FZR1: variants seen among roughly 807,000 people sequenced by gnomAD.
The protein encoded by FZR1 is fizzy-related protein homolog.
A neutral mutation model predicts 63.6 loss-of-function variants in FZR1; 11 were observed. The ratio of observed to expected loss-of-function variants is 0.17; its 90% confidence interval spans 0.11 to 0.29. FZR1 has a LOEUF of 0.29. Ranked by LOEUF, FZR1 falls within the 10% of genes least tolerant of loss-of-function variation. The pLI is 1.00. For missense variants in FZR1, 440 were observed against 687.5 expected, an observed-to-expected ratio of 0.64 and a Z score of 4.03; for synonymous variants, 328 against 297.9, an observed-to-expected ratio of 1.10 and a Z score of -1.04.
At position 3,526,486 on chromosome 19, in the gene FZR1, T is replaced by C; in HGVS notation, c.387+100T>C. The C allele has an allele frequency of 1.0e-6, 1 of 991,632 alleles. No individual in the cohort carries two copies. Among genetic ancestry groups the C allele is most frequent in the East Asian group, 2.6e-5 (1 of 38,072 alleles). 61.4% of individuals were successfully genotyped at this position (991,632 alleles called of 1,614,324 possible). ...AGCTCTGCCTCCCCGAGCCCGGTTC[T>C]CGGGCCCAGCCACGGCTCAGCACCC... On this transcript the variant is annotated intron_variant, in intron 5 of 13. Coordinates refer to ENST00000441788, the MANE Select transcript of FZR1 (RefSeq NM_016263.4). The surrounding 1 kb of genome is among the most constrained non-coding windows in gnomAD (Gnocchi z 5.4).
At chr19:3,508,630 G>C (rs1367230386) in intron 1 of FZR1, among the ~76,000 whole-genome samples, 3 of 152,224 alleles carry the variant, frequency 2.0e-5, no homozygotes, top group Non-Finnish European at 2.9e-5. Flanking sequence ...GTCATTTAGA[G>C]GGGAGAGGAT....
intron 1 of FZR1, among the ~76,000 whole-genome samples, chr19:3,510,500 C>A (rs1041034163): frequency 6.6e-6 from 1 of 152,234 alleles, no homozygotes; most frequent in Non-Finnish European, 1.5e-5. Flanking sequence ...ACATTCCCTT[C>A]TGTTGTGAAT....
At position 3,525,565 on chromosome 19, in the gene FZR1, C is replaced by T. The variant is rs1470940630; in HGVS notation, c.70-303C>T. Among the ~76,000 whole-genome samples, 4 of 151,000 alleles carry T rather than the reference C, an allele frequency of 2.6e-5. No homozygotes were observed. The highest frequency in any genetic ancestry group is 5.9e-5 in the Non-Finnish European group (4 of 67,850). ...TCATGCCATTCTCCTGCCTCAGCCTCCCGAGTAGCTGGGACTACAGGCGCC... is the reference window on the plus strand; with the variant it reads ...TCATGCCATTCTCCTGCCTCAGCCTTCCGAGTAGCTGGGACTACAGGCGCC... On this transcript the variant is annotated intron_variant, in intron 2 of 13. Coordinates refer to ENST00000441788, the MANE Select transcript of FZR1 (RefSeq NM_016263.4). The surrounding 1 kb of genome is among the most constrained non-coding windows in gnomAD (Gnocchi z 4.2).
Position 3,531,701 on chromosome 19 carries a change from C to T in FZR1, c.721-13C>T. The T allele has an allele frequency of 6.5e-7, 1 of 1,534,440 alleles. No homozygotes were observed. The highest frequency in any genetic ancestry group is 8.8e-7 in the Non-Finnish European group (1 of 1,133,086). On this transcript the variant is annotated splice_polypyrimidine_tract_variant and intron_variant, in intron 8 of 13. Transcript: ENST00000441788. ...ACCTGACACCGGTGCTCTGCCCATG[C>T]CTTCCATCCTAGGGGAACCTGGTGG...
chr19:3,529,750 G>A lies in FZR1; in HGVS notation c.655-1042G>A, dbSNP rs572262901. 1.1e-3 allele frequency among the ~76,000 whole-genome samples: 146 copies of A among 138,898 alleles called. 1 individual carries two copies. Among genetic ancestry groups the A allele is most frequent in the Non-Finnish European group, 1.1e-3 (71 of 64,182 alleles). 91.1% of individuals were successfully genotyped at this position (138,898 alleles called of 152,430 possible). ...TGGATGGGAGAGTGGATGGGTGAGC[G>A]CATGGGAGCGCATGGGTGAGCGGAT... is the stretch of plus-strand genomic sequence containing the variant. On this transcript the variant is annotated intron_variant, in intron 7 of 13. Transcript: ENST00000441788.
intron 10 of FZR1, 58 bp from the exon 11 acceptor site, chr19:3,532,359 C>T: frequency 1.5e-6 from 2 of 1,378,378 alleles, no homozygotes; most frequent in Non-Finnish European, 9.9e-7. Flanking sequence ...CCTGTGAGGA[C>T]CGGCCTATGG....
At chr19:3,507,486 C>A (rs536947819) in intron 1 of FZR1, among the ~76,000 whole-genome samples, 4 of 152,246 alleles carry the variant, frequency 2.6e-5, no homozygotes, top group African/African-American at 7.2e-5. Flanking sequence ...GTTTTCTCCA[C>A]CCCAAACTCA....
In FZR1 at chr19:3,532,429, A is replaced by T; in HGVS notation, c.1021A>T (p.Asn341Tyr). The change falls in exon 11 of 14, where the codon AAT (asparagine) becomes TAT (tyrosine). Residue 341 changes from asparagine to tyrosine, a missense_variant. Coordinates refer to ENST00000441788, the MANE Select transcript of FZR1 (RefSeq NM_016263.4). ...GGNDNKLLVW[N>Y]HSSLSPVQQY... ...CCCTGTCCCCCAGCTGCTGGTCTGG[A>T]ATCACTCGAGCCTGAGCCCCGTGCA... 4 of 1,592,572 alleles carry T rather than the reference A, an allele frequency of 2.5e-6. No homozygotes were observed. The highest frequency in any genetic ancestry group is 3.4e-6 in the Non-Finnish European group (4 of 1,168,512).
At position 3,529,689 on chromosome 19, in the gene FZR1, T is replaced by TGGTTGAGGGAGC. The variant is rs1568237946; in HGVS notation, c.655-1101_655-1100insTTGAGGGAGCGG. On this transcript the variant is annotated intron_variant, in intron 7 of 13. Transcript: ENST00000441788. ...GAGTGGATGAGAGTGGTTGAGGGAG[T>TGGTTGAGGGAGC]GGATGGTTGAGCGGATGGGAGAGCG... is the stretch of plus-strand genomic sequence containing the variant. Among the ~76,000 whole-genome samples the TGGTTGAGGGAGC allele has an allele frequency of 2.5e-3, 177 of 71,462 alleles. 7 individuals carry two copies. Among genetic ancestry groups the TGGTTGAGGGAGC allele is most frequent in the African/African-American group, 0.01 (168 of 16,368 alleles). The allele number at this position is 71,462 out of a possible 152,430, so 46.9% of individuals were successfully genotyped here.
At chr19:3,530,509 T>G in intron 7 of FZR1, among the ~76,000 whole-genome samples, 3 of 135,132 alleles carry the variant, frequency 2.2e-5, no homozygotes, top group Non-Finnish European at 4.8e-5. Context: ...CAAGAGTGGA[T>G]GAGAGTGGTT....
rs991368384 is a variant in FZR1 at position 3,533,914 on chromosome 19, G to A, written c.1348-507G>A. ...CCCCTCTTGCAAGGGGGCGTCCTTTGTGTTTTTGCAAAAATGCTCCAACCT... is the reference window on the plus strand; with the variant it reads ...CCCCTCTTGCAAGGGGGCGTCCTTTATGTTTTTGCAAAAATGCTCCAACCT... On this transcript the variant is annotated intron_variant, in intron 12 of 13. Transcript: ENST00000441788. This position sits in a 1 kb window ranked among gnomAD's most constrained non-coding sequence, Gnocchi z 4.9. 5.9e-5 allele frequency among the ~76,000 whole-genome samples: 9 copies of A among 152,170 alleles called. No homozygotes were observed. The highest frequency in any genetic ancestry group is 2.2e-4 in the African/African-American group (9 of 41,442).
intron 1 of FZR1, among the ~76,000 whole-genome samples, chr19:3,518,011 C>CTTT (rs1220242480): frequency 4.8e-4 from 53 of 109,458 alleles, no homozygotes; most frequent in African/African-American, 8.0e-4. Context: ...CTGTTTCTTT[C>CTTT]TTTTTTTTTT....
chr19:3,508,940 A>G (rs1413942634), intron 1 of FZR1, among the ~76,000 whole-genome samples: 1 of 152,124 alleles, frequency 6.6e-6, no homozygotes, highest in Admixed American at 6.5e-5. Context: ...CGGCCTGCTC[A>G]GTGCCCTGGG....
intron 7 of FZR1, among the ~76,000 whole-genome samples, chr19:3,530,425 TGGGAGAGC>T (rs1175308427): frequency 5.7e-5 from 4 of 70,480 alleles, no homozygotes; most frequent in African/African-American, 1.6e-4. Context: ...GGAGAGCGCA[TGGGAGAGC>T]GGATGGGAGA....
chr19:3,509,886 GT>G (rs1217614937), intron 1 of FZR1, among the ~76,000 whole-genome samples: 1 of 152,150 alleles, frequency 6.6e-6, no homozygotes, highest in Non-Finnish European at 1.5e-5. Flanking sequence ...GTGTCTGCCT[GT>G]TGTGAGTTGA....
Position 3,526,052 on chromosome 19 carries a change from C to T in FZR1, c.195+59C>T, listed in dbSNP as rs1279353407. The T allele has an allele frequency of 8.7e-6, 14 of 1,611,608 alleles. No individual in the cohort carries two copies. In the South Asian group the frequency reaches 8.8e-5, roughly 10 times the overall value. On this transcript the variant is annotated intron_variant, in intron 3 of 13. Transcript: ENST00000441788. This position sits in a 1 kb window ranked among gnomAD's most constrained non-coding sequence, Gnocchi z 5.4. ...CCGGGAAGCCCAGGGCCCCTCCCAG[C>T]CTCCTTGCTCTAGGGCCGGGAACAA... is the stretch of plus-strand genomic sequence containing the variant.
chr19:3,507,260 C>G (rs2082991139), intron 1 of FZR1, among the ~76,000 whole-genome samples: 1 of 151,650 alleles, frequency 6.6e-6, no homozygotes, highest in African/African-American at 2.4e-5. Context: ...ACTGAACCTC[C>G]GTCCTGCGTC....
At position 3,515,650 on chromosome 19, in the gene FZR1, C is replaced by T. The variant is rs1420753933; in HGVS notation, c.-34-7306C>T. ...ACTACAGTGGCGGGCCCCTGTAGTCCCAGCTACTCGGGAGGCTGAGGCAGG... is the reference window on the plus strand; with the variant it reads ...ACTACAGTGGCGGGCCCCTGTAGTCTCAGCTACTCGGGAGGCTGAGGCAGG... On this transcript the variant is annotated intron_variant, in intron 1 of 13. Coordinates refer to ENST00000441788, the MANE Select transcript of FZR1 (RefSeq NM_016263.4). This position sits in a 1 kb window ranked among gnomAD's most constrained non-coding sequence, Gnocchi z 4.6. Among the ~76,000 whole-genome samples, 2 of 151,854 alleles carry T rather than the reference C, an allele frequency of 1.3e-5. No individual in the cohort carries two copies. Among genetic ancestry groups the T allele is most frequent in the African/African-American group, 4.8e-5 (2 of 41,314 alleles).
intron 1 of FZR1, among the ~76,000 whole-genome samples, chr19:3,511,047 C>T (rs889723236): frequency 5.9e-5 from 9 of 152,204 alleles, no homozygotes; most frequent in African/African-American, 9.6e-5. Context: ...CAGAGATGTG[C>T]GGGCCTCGGG....
Sources: gnomAD v4.1 joint callset for allele counts (sites outside exome capture counted in the v4.1 genomes callset) on GRCh38, gnomAD v4.1.1 for gene constraint, Gnocchi (gnomAD v3.1) non-coding constraint, MANE v1.5 for transcripts, NCBI Gene and HGNC (gene_info 2026-07-23, HGNC 2026-07-21) for gene names.